EPHX2: variants seen among roughly 807,000 people sequenced by gnomAD.
The protein encoded by EPHX2 is epoxide hydrolase 2.
Under a neutral mutation model 78.7 loss-of-function variants are expected in EPHX2, and 74 were observed. The observed-to-expected ratio is 0.94, with a 90% CI of 0.78 to 1.14. The LOEUF is 1.14. Among genes scored for constraint, EPHX2 ranks in the 50% most tolerant of loss-of-function variants. The pLI is 0.00. For missense variants in EPHX2, 715 were observed against 702.5 expected (o/e 1.02, Z -0.20); for synonymous variants, 251 against 255.2 (o/e 0.98, Z 0.16).
chr8:27,503,122 C>A (rs936293228), intron 2 of EPHX2, among the ~76,000 whole-genome samples: 5 of 152,110 alleles, frequency 3.3e-5, no homozygotes, highest in Non-Finnish European at 7.4e-5. Context: ...GCTATCGAGC[C>A]CCTTCTACCA....
intron 1 of EPHX2, 21 bp from the exon 2 acceptor site, chr8:27,500,905 G>C (rs939536565): frequency 6.2e-7 from 1 of 1,605,458 alleles, no homozygotes; most frequent in Middle Eastern, 1.7e-4. Context: ...GAATGTTCCT[G>C]ATGTTCTTTG....
At chr8:27,528,436 C>T (rs1814920670) in intron 12 of EPHX2, among the ~76,000 whole-genome samples, 2 of 152,166 alleles carry the variant, frequency 1.3e-5, no homozygotes, top group African/African-American at 4.8e-5. Flanking sequence ...TGCCAGCCTG[C>T]CTGATACCTA....
chr8:27,525,516 G>A (rs761232095), intron 12 of EPHX2, 43 bp downstream of exon 12: 1 of 1,492,458 alleles, frequency 6.7e-7, no homozygotes, highest in African/African-American at 1.4e-5. Context: ...ATTAGTGTTT[G>A]CCTTTCCCCT....
chr8:27,503,933 C>G (rs141863165), intron 3 of EPHX2, among the ~76,000 whole-genome samples, 170 bp downstream of exon 3: 3 of 152,236 alleles, frequency 2.0e-5, no homozygotes, highest in Non-Finnish European at 4.4e-5. Flanking sequence ...AAAAGCAGCA[C>G]TATTAGAAAA....
chr8:27,503,659 G>T lies in EPHX2; in HGVS notation c.242G>T (p.Cys81Phe). Reference protein sequence around the residue: ...CRKCSETAKVCLPKNFSIKEI... With the variant: ...CRKCSETAKVFLPKNFSIKEI... ...AAGTGCTCCGAGACCGCTAAAGTCT[G>T]CCTCCCCAAGAATTTCTCCATAAAA... is the stretch of plus-strand genomic sequence containing the variant. The change falls in exon 3 of 19, where the codon TGC becomes TTC. Residue 81 changes from cysteine (C) to phenylalanine (F), a missense_variant. Coordinates refer to ENST00000521400, the MANE Select transcript of EPHX2 (RefSeq NM_001979.6). The T allele has an allele frequency of 6.2e-7, 1 of 1,613,922 alleles. No homozygotes were observed. Among genetic ancestry groups the T allele is most frequent in the South Asian group, 1.1e-5 (1 of 91,030 alleles).
chr8:27,541,375 C>T, intron 15 of EPHX2, 98 bp from the exon 16 acceptor site: 5 of 1,310,308 alleles, frequency 3.8e-6, no homozygotes, highest in Non-Finnish European at 4.4e-6. Flanking sequence ...TTTGCTCTTC[C>T]CAGGACGACT....
intron 12 of EPHX2, among the ~76,000 whole-genome samples, chr8:27,527,151 G>T (rs1056303026): frequency 6.6e-6 from 1 of 152,042 alleles, no homozygotes; most frequent in Non-Finnish European, 1.5e-5. Flanking sequence ...TAGAGACGGG[G>T]TTTCACCATA....
intron 10 of EPHX2, among the ~76,000 whole-genome samples, 172 bp downstream of exon 10, chr8:27,521,081 CAAGGATTGCGTGGAG>C (rs1433849245): frequency 2.6e-5 from 4 of 152,110 alleles, no homozygotes; most frequent in Non-Finnish European, 4.4e-5. Context: ...TGACAAAGAG[CAAGGATTGCGTGGAG>C]AACAGGATGG....
At chr8:27,509,919 T>C (rs766283573) in intron 5 of EPHX2, among the ~76,000 whole-genome samples, 1 of 152,046 alleles carries the variant, frequency 6.6e-6, no homozygotes, top group East Asian at 1.9e-4. Context: ...CATCCCCTGG[T>C]GTATGACCTA....
intron 2 of EPHX2, among the ~76,000 whole-genome samples, chr8:27,502,234 G>GTCTGTTGTTGA (rs1813826610): frequency 6.6e-6 from 1 of 152,188 alleles, no homozygotes; most frequent in Admixed American, 6.5e-5. Flanking sequence ...AACATTGTAT[G>GTCTGTTGTTGA]AGTGAGACTC....
intron 3 of EPHX2, among the ~76,000 whole-genome samples, chr8:27,504,526 A>G (rs571587650): frequency 6.6e-6 from 1 of 152,362 alleles, no homozygotes; most frequent in Admixed American, 6.5e-5. Flanking sequence ...TTTCAGTAGC[A>G]TGGACTAGAA....
In EPHX2 at chr8:27,515,751, T is replaced by C. The variant is rs1814424262; in HGVS notation, c.769T>C (p.Ser257Pro). Residue 257 changes from serine to proline, a missense_variant, in exon 7 of 19, where the codon TCC becomes CCC. By Grantham distance (74) the Ser-to-Pro change is moderately conservative. Transcript: ENST00000521400. Reference sequence around the variant, plus strand: ...CCGTCTGCATTTTGTGGAGCTGGGCTCCGGCCCTGCTGTGTGCCTCTGCCA... The same window carrying C: ...CCGTCTGCATTTTGTGGAGCTGGGCCCCGGCCCTGCTGTGTGCCTCTGCCA... ...RVRLHFVELG[S>P]GPAVCLCHGF... 2 of 1,614,022 alleles carry C rather than the reference T, an allele frequency of 1.2e-6. No individual in the cohort carries two copies. The highest frequency in any genetic ancestry group is 2.2e-5 in the South Asian group (2 of 91,090).
rs770615757 is a variant in EPHX2, at chr8:27,541,538, G to A, written c.1445G>A (p.Arg482Gln). 8.1e-6 allele frequency: 13 copies of A among 1,613,936 alleles called. No individual in the cohort carries two copies. The East Asian group carries it at 1.1e-4, about 14-fold the overall frequency. Residue 482 changes from arginine to glutamine, a missense_variant, in exon 16 of 19, where the codon CGG becomes CAG. Physicochemically the swap from Arg to Gln is conservative, Grantham distance 43 (BLOSUM62 1). Coordinates refer to ENST00000521400, the MANE Select transcript of EPHX2 (RefSeq NM_001979.6). ...AAGTGGGCTTGCAAAAGCTTGGGAC[G>A]GAAGGTGAGTGCCAGGTTCAGTGTA... The part of the protein sequence containing the change: ...NWKWACKSLG[R>Q]KILIPALMVT...
At chr8:27,539,757 T>A (rs1356124089) in intron 14 of EPHX2, among the ~76,000 whole-genome samples, 1 of 152,162 alleles carries the variant, frequency 6.6e-6, no homozygotes, top group Non-Finnish European at 1.5e-5. Context: ...TGAGGTACAG[T>A]GAGTCTGGAG....
intron 6 of EPHX2, among the ~76,000 whole-genome samples, chr8:27,515,016 G>A (rs573896429): frequency 8.5e-5 from 13 of 152,064 alleles, no homozygotes; most frequent in African/African-American, 2.7e-4. Context: ...GTGGGAGGGG[G>A]TCCCCAGAGA....
chr8:27,535,469 C>T (rs7829267), intron 12 of EPHX2, among the ~76,000 whole-genome samples: 35,580 of 152,054 alleles, frequency 0.23, 5,062 homozygotes, highest in African/African-American at 0.41. Flanking sequence ...CCACTGCACC[C>T]GGCCAAGATT....
chr8:27,509,245 G>A (rs989139215), intron 5 of EPHX2, among the ~76,000 whole-genome samples: 64 of 152,152 alleles, frequency 4.2e-4, no homozygotes, highest in African/African-American at 1.4e-3. Context: ...CCACTGTATG[G>A]ATAGATCACA....
At chr8:27,540,471 T>G in intron 14 of EPHX2, 83 bp from the exon 15 acceptor site, 1 of 1,196,774 alleles carries the variant, frequency 8.4e-7, no homozygotes, top group Non-Finnish European at 1.2e-6. Context: ...TCAGATGGTC[T>G]GCGAGAGGCA....
intron 5 of EPHX2, among the ~76,000 whole-genome samples, chr8:27,509,487 C>T (rs991532142): frequency 6.6e-6 from 1 of 152,074 alleles, no homozygotes; most frequent in Non-Finnish European, 1.5e-5. Context: ...CTCTGTTGGC[C>T]AGGCTGGAGT....
Sources: gnomAD v4.1 joint callset for allele counts (sites outside exome capture counted in the v4.1 genomes callset) on GRCh38, gnomAD v4.1.1 for gene constraint, MANE v1.5 for transcripts, NCBI Gene and HGNC (gene_info 2026-07-23, HGNC 2026-07-21) for gene names.